Variants in SPINK5 observed in about 807,000 individuals in gnomAD.
The protein encoded by SPINK5 is serine peptidase inhibitor Kazal type 5.
SPINK5 carries 125 observed loss-of-function variants against 151.8 expected under a neutral mutation model. The ratio of observed to expected loss-of-function variants is 0.82; its 90% confidence interval spans 0.71 to 0.96. The LOEUF is 0.96. Ranked by LOEUF, SPINK5 falls within the 40% of genes least tolerant of loss-of-function variation. The pLI, the probability that SPINK5 is intolerant of heterozygous loss-of-function variation, is 0.00. For synonymous variants in SPINK5, 374 were observed against 395.3 expected (o/e 0.95, Z 0.64); for missense variants, 1,194 against 1,291.9 (o/e 0.92, Z 1.16).
intron 16 of SPINK5, 83 bp downstream of exon 16, chr5:148,105,083 G>A: frequency 1.4e-6 from 2 of 1,442,150 alleles, no homozygotes; most frequent in South Asian, 1.2e-5. Context: ...TAGAATAAAT[G>A]TTTTCTGTTT....
At chr5:148,131,158 C>G (rs559648076) in intron 30 of SPINK5, 101 bp from the exon 31 acceptor site, 60 of 1,421,166 alleles carry the variant, frequency 4.2e-5, no homozygotes, top group East Asian at 3.6e-4. Context: ...CTTTTACAAC[C>G]ATTTATTCAA....
intron 4 of SPINK5, among the ~76,000 whole-genome samples, chr5:148,082,523 T>C (rs1753047519): frequency 6.6e-6 from 1 of 151,080 alleles, no homozygotes; most frequent in Non-Finnish European, 1.5e-5. Flanking sequence ...ATATAAATGA[T>C]GTAGTATTGA....
At position 148,088,740 on chromosome 5, in the gene SPINK5, G is replaced by A. The variant is rs897993132; in HGVS notation, c.474+135G>A. 7.6e-5 allele frequency: 63 copies of A among 829,814 alleles called. No homozygotes were observed. The African/African-American group carries it at 1.0e-3, about 14-fold the overall frequency. 51.4% of individuals were successfully genotyped at this position (829,814 alleles called of 1,614,324 possible). A position where few individuals can be genotyped will look rare whatever the true frequency, so the allele number is the denominator to read the frequency against. The stretch of plus-strand genomic sequence containing the variant: ...TGCTTTATGTGAAATGGAATACCCA[G>A]TACTGCCCACTAATATGAAAAAGCT... On this transcript the variant is annotated intron_variant, in intron 6 of 32. Transcript: ENST00000256084.
intron 4 of SPINK5, among the ~76,000 whole-genome samples, chr5:148,076,287 T>TA (rs1221337774): frequency 6.6e-6 from 1 of 151,630 alleles, no homozygotes; most frequent in Non-Finnish European, 1.5e-5. Flanking sequence ...AAGCCAGGCT[T>TA]AAAAAATAAC....
chr5:148,108,487 G>A (rs1041303106), intron 17 of SPINK5, among the ~76,000 whole-genome samples: 8 of 152,112 alleles, frequency 5.3e-5, no homozygotes, highest in African/African-American at 4.8e-5. Context: ...TAAAATTAGC[G>A]ACGTACAAAA....
intron 2 of SPINK5, among the ~76,000 whole-genome samples, chr5:148,068,998 G>T (rs1320737034): frequency 6.6e-6 from 1 of 151,794 alleles, no homozygotes; most frequent in Non-Finnish European, 1.5e-5. Context: ...CTACTCAGGG[G>T]GCTCAGGCAG....
chr5:148,109,217 C>A, intron 18 of SPINK5, among the ~76,000 whole-genome samples: 1 of 152,084 alleles, frequency 6.6e-6, no homozygotes, highest in Admixed American at 6.6e-5. Context: ...AACTAGGGAT[C>A]CCACTTAATT....
At chr5:148,091,272 T>G (rs1008712819) in intron 8 of SPINK5, 44 bp downstream of exon 8, 1 of 1,521,372 alleles carries the variant, frequency 6.6e-7, no homozygotes, top group African/African-American at 1.4e-5. Flanking sequence ...TGGCCATATT[T>G]ATTAACAAAT....
At chr5:148,120,524 G>A in intron 26 of SPINK5, 133 bp downstream of exon 26, 1 of 1,153,976 alleles carries the variant, frequency 8.7e-7, no homozygotes, top group Non-Finnish European at 1.3e-6. Context: ...TGAAGTCATG[G>A]CCAGATCTTG....
chr5:148,118,882 G>T, intron 23 of SPINK5, 104 bp from the exon 24 acceptor site: 1 of 1,211,874 alleles, frequency 8.3e-7, no homozygotes, highest in Non-Finnish European at 1.2e-6. Flanking sequence ...GACCAGCACA[G>T]TTGAAGAAAG....
In SPINK5 at chr5:148,133,839, TGAGGAG is replaced by T. The variant is rs1754631910; in HGVS notation, c.3139_3144del (p.Glu1047_Glu1048del). ...CACACATCCGCAGTACAGGGAAGTGTGAGGAGAGCAGCACCCCAGGAACCACCGCAG... is the reference window on the plus strand; with the variant it reads ...CACACATCCGCAGTACAGGGAAGTGTAGCAGCACCCCAGGAACCACCGCAG... On this transcript the variant is annotated inframe_deletion, in exon 32 of 33. Transcript: ENST00000256084. 1 of 1,614,000 alleles carries T rather than the reference TGAGGAG, an allele frequency of 6.2e-7. No homozygotes were observed. Among genetic ancestry groups the T allele is most frequent in the African/African-American group, 1.3e-5 (1 of 75,010 alleles).
chr5:148,083,140 C>G (rs906730425), intron 4 of SPINK5, among the ~76,000 whole-genome samples: 2 of 151,250 alleles, frequency 1.3e-5, no homozygotes, highest in Admixed American at 1.3e-4. Context: ...GATTGTTATA[C>G]TTTCTTGTTC....
intron 16 of SPINK5, among the ~76,000 whole-genome samples, chr5:148,106,634 C>T (rs1753788957): frequency 6.6e-6 from 1 of 152,092 alleles, no homozygotes; most frequent in Non-Finnish European, 1.5e-5. Context: ...CATACTTGGA[C>T]AAAATATATA....
chr5:148,083,792 A>T (rs1482826449), intron 4 of SPINK5, among the ~76,000 whole-genome samples: 1 of 149,850 alleles, frequency 6.7e-6, no homozygotes, highest in African/African-American at 2.5e-5. Flanking sequence ...TCTTTTGGAG[A>T]CTTCTAATTC....
At chr5:148,123,247 C>T (rs1345024848) in intron 26 of SPINK5, among the ~76,000 whole-genome samples, 1 of 151,170 alleles carries the variant, frequency 6.6e-6, no homozygotes, top group Non-Finnish European at 1.5e-5. Flanking sequence ...AGCTACTTAG[C>T]AGACTGAGGT....
chr5:148,133,040 A>G (rs1318025772), intron 31 of SPINK5, among the ~76,000 whole-genome samples: 2 of 152,160 alleles, frequency 1.3e-5, no homozygotes, highest in East Asian at 3.8e-4. Context: ...AACTTTATAG[A>G]CCCATAACAA....
chr5:148,075,871 A>C, intron 4 of SPINK5, among the ~76,000 whole-genome samples: 1 of 151,732 alleles, frequency 6.6e-6, no homozygotes, highest in East Asian at 1.9e-4. Context: ...GGCTAACCTA[A>C]TTTGGAGTAA....
intron 26 of SPINK5, 55 bp downstream of exon 26, chr5:148,120,446 T>G: frequency 6.5e-7 from 1 of 1,544,604 alleles, no homozygotes; most frequent in Non-Finnish European, 8.8e-7. Flanking sequence ...TTGTATGGTA[T>G]ATTTATTCAA....
intron 30 of SPINK5, among the ~76,000 whole-genome samples, chr5:148,129,109 G>T (rs1229197391): frequency 1.3e-5 from 2 of 152,106 alleles, no homozygotes; most frequent in Non-Finnish European, 2.9e-5. Flanking sequence ...TATCTGAGGA[G>T]AACATATTCC....
Sources: gnomAD v4.1 joint callset for allele counts (sites outside exome capture counted in the v4.1 genomes callset) on GRCh38, gnomAD v4.1.1 for gene constraint, MANE v1.5 for transcripts, NCBI Gene and HGNC (gene_info 2026-07-23, HGNC 2026-07-21) for gene names.